The following SPOCK3 variants were observed in gnomAD, a reference collection of about 807,000 sequenced individuals.
The protein encoded by SPOCK3 is SPARC (osteonectin), cwcv and kazal like domains proteoglycan 3.
In SPOCK3, 30 loss-of-function variants were observed where a neutral mutation model predicts 56.6. That is an observed-to-expected ratio of 0.53 (90% CI 0.40 to 0.72). SPOCK3 has a LOEUF of 0.72. Ranked by LOEUF, SPOCK3 falls within the 30% of genes least tolerant of loss-of-function variation. The pLI is 0.00. For synonymous variants in SPOCK3, 196 were observed against 183.3 expected (o/e 1.07, Z -0.56); for missense variants, 527 against 530.0 (o/e 0.99, Z 0.06).
At chr4:167,191,681 T>G (rs889269533) in intron 2 of SPOCK3, among the ~76,000 whole-genome samples, 1 of 145,754 alleles carries the variant, frequency 6.9e-6, no homozygotes, top group Non-Finnish European at 1.5e-5. Context: ...AGTTTTTTTT[T>G]GTGAAGTCTT....
Position 166,733,527 on chromosome 4 carries a change from C to A in SPOCK3, c.*1394G>T, listed in dbSNP as rs1405822272. 1 of 151,784 alleles carries A rather than the reference C, an allele frequency of 6.6e-6. No homozygotes were observed. The highest frequency in any genetic ancestry group is 1.5e-5 in the Non-Finnish European group (1 of 67,762). 9.4% of individuals were successfully genotyped at this position (151,784 alleles called of 1,614,324 possible). A position where few individuals can be genotyped will look rare whatever the true frequency, so the allele number is the denominator to read the frequency against. On this transcript the variant is annotated 3_prime_UTR_variant, in exon 11 of 11. Transcript: ENST00000357545. The stretch of plus-strand genomic sequence containing the variant: ...GGAAATAATTAATCAATTTTGCTTT[C>A]AATGAATTGTATACTGGGAAACCAG...
At chr4:166,912,518 A>T (rs572470703) in intron 5 of SPOCK3, 102 bp downstream of exon 5, 1 of 1,133,852 alleles carries the variant, frequency 8.8e-7, no homozygotes, top group South Asian at 1.4e-5. Flanking sequence ...TATAAGTTAA[A>T]TGAATAATTT....
chr4:166,815,646 G>C (rs1244751072), intron 6 of SPOCK3, among the ~76,000 whole-genome samples: 2 of 151,892 alleles, frequency 1.3e-5, no homozygotes, highest in Non-Finnish European at 2.9e-5. Context: ...TGGGCTTGGT[G>C]GTGGGCACCT....
In SPOCK3 at chr4:167,077,269, TACACAC is replaced by T. The variant is rs553960996; in HGVS notation, c.190-14738_190-14733del. Among the ~76,000 whole-genome samples the T allele has an allele frequency of 3.3e-5, 5 of 149,614 alleles. No individual in the cohort carries two copies. The Admixed American group carries it at 3.4e-4, about 10-fold the overall frequency. On this transcript the variant is annotated intron_variant, in intron 2 of 10. Coordinates refer to ENST00000357545, the MANE Select transcript of SPOCK3 (RefSeq NM_001040159.2). ...GTTTTCAAAGGATAATCATTCTACATACACACACACACACACACATCAAAATTCTTT... is the reference window on the plus strand; with the variant it reads ...GTTTTCAAAGGATAATCATTCTACATACACACACACACATCAAAATTCTTT...
intron 2 of SPOCK3, among the ~76,000 whole-genome samples, chr4:167,160,846 GCTGAAA>G (rs1209432576): frequency 1.3e-5 from 2 of 152,100 alleles, no homozygotes; most frequent in Non-Finnish European, 2.9e-5. Flanking sequence ...TATGTAGAAA[GCTGAAA>G]CTGCATCCCT....
At chr4:167,197,871 T>C (rs1186474848) in intron 2 of SPOCK3, among the ~76,000 whole-genome samples, 1 of 152,152 alleles carries the variant, frequency 6.6e-6, no homozygotes, top group Non-Finnish European at 1.5e-5. Flanking sequence ...AGATCCAAAC[T>C]GTGTAAGGCA....
intron 6 of SPOCK3, among the ~76,000 whole-genome samples, chr4:166,885,288 A>C (rs1376722785): frequency 6.6e-6 from 1 of 150,830 alleles, no homozygotes; most frequent in Non-Finnish European, 1.5e-5. Context: ...ACCCACCCCA[A>C]CTTCAAACAA....
At chr4:167,234,282 GGGA>G (rs1369503780) in intron 1 of SPOCK3, 109 bp from the exon 2 acceptor site, 222 of 1,098,492 alleles carry the variant, frequency 2.0e-4, no homozygotes, top group Middle Eastern at 2.0e-3. Context: ...CGAGGGTAGA[GGGA>G]GGAGGAGACA....
At chr4:167,096,762 A>G (rs1759193296) in intron 2 of SPOCK3, among the ~76,000 whole-genome samples, 1 of 151,908 alleles carries the variant, frequency 6.6e-6, no homozygotes, top group South Asian at 2.1e-4. Context: ...CTAAATATGT[A>G]AATTACATCA....
chr4:167,149,586 A>C (rs1764240111), intron 2 of SPOCK3, among the ~76,000 whole-genome samples: 1 of 151,990 alleles, frequency 6.6e-6, no homozygotes, highest in Non-Finnish European at 1.5e-5. Context: ...TTATACACTA[A>C]TATTTTGAAA....
At chr4:166,825,810 A>G (rs920632880) in intron 6 of SPOCK3, among the ~76,000 whole-genome samples, 6 of 152,060 alleles carry the variant, frequency 3.9e-5, no homozygotes, top group Non-Finnish European at 8.8e-5. Flanking sequence ...CAAATATTGT[A>G]TGTTCTCACT....
chr4:166,927,638 T>C (rs907929209), intron 4 of SPOCK3, among the ~76,000 whole-genome samples: 1 of 152,078 alleles, frequency 6.6e-6, no homozygotes, highest in Non-Finnish European at 1.5e-5. Context: ...GAATTTAACA[T>C]AGAAGAAAAT....
At chr4:166,962,822 G>A (rs528351381) in intron 4 of SPOCK3, among the ~76,000 whole-genome samples, 2 of 152,150 alleles carry the variant, frequency 1.3e-5, no homozygotes, top group African/African-American at 4.8e-5. Context: ...ATAGCATGGT[G>A]ATGCACCAGA....
intron 4 of SPOCK3, among the ~76,000 whole-genome samples, chr4:166,997,220 C>A (rs1281207497): frequency 6.6e-6 from 1 of 151,982 alleles, no homozygotes; most frequent in African/African-American, 2.4e-5. Flanking sequence ...GTGCTTAATA[C>A]TTAGGCGATA....
chr4:166,765,158 T>A lies in SPOCK3; in HGVS notation c.710-10429A>T, dbSNP rs969183803. On this transcript the variant is annotated intron_variant, in intron 7 of 10. Transcript: ENST00000357545. The stretch of plus-strand genomic sequence containing the variant: ...GTAGGTTGCCTGTTCACTCTGAAGG[T>A]AGTTTCTTTTGCTGTGAAGCTCTTT... Among the ~76,000 whole-genome samples, 9 of 152,160 alleles carry A rather than the reference T, an allele frequency of 5.9e-5. No homozygotes were observed. The East Asian group carries it at 7.7e-4, about 13-fold the overall frequency.
Position 166,754,737 on chromosome 4 carries a change from CA to C in SPOCK3, c.710-9del, listed in dbSNP as rs369209026. The stretch of plus-strand genomic sequence containing the variant: ...AGATGCTGGTATCGAATCCTAAAGG[CA>C]AAAAAAAGAAAATGATTAGTTAAAT... On this transcript the variant is annotated splice_polypyrimidine_tract_variant and intron_variant, in intron 7 of 10. Coordinates refer to ENST00000357545, the MANE Select transcript of SPOCK3 (RefSeq NM_001040159.2). 2.9e-5 allele frequency: 46 copies of C among 1,596,028 alleles called. No homozygotes were observed. Among genetic ancestry groups the C allele is most frequent in the Middle Eastern group, 1.7e-4 (1 of 5,960 alleles).
chr4:166,863,762 C>T (rs374620467), intron 6 of SPOCK3, among the ~76,000 whole-genome samples: 2 of 152,210 alleles, frequency 1.3e-5, no homozygotes, highest in East Asian at 3.9e-4. Context: ...GCATCCAATA[C>T]AGGAGCACTC....
chr4:167,001,959 ATATTT>A (rs751726983), intron 3 of SPOCK3, among the ~76,000 whole-genome samples: 4,600 of 148,858 alleles, frequency 0.031, 248 homozygotes, highest in African/African-American at 0.11. Flanking sequence ...TTATTTTATT[ATATTT>A]TATTTTATTT....
At position 166,847,647 on chromosome 4, in the gene SPOCK3, TTATATATATATATATATA is replaced by T. The variant is rs147015731; in HGVS notation, c.589+41465_589+41482del. Among the ~76,000 whole-genome samples, 10 of 55,366 alleles carry T rather than the reference TTATATATATATATATATA, an allele frequency of 1.8e-4. 1 individual carries two copies. Among genetic ancestry groups the T allele is most frequent in the East Asian group, 9.5e-4 (2 of 2,102 alleles). The allele number at this position is 55,366 out of a possible 152,430, so 36.3% of individuals were successfully genotyped here. A position where few individuals can be genotyped will look rare whatever the true frequency, so the allele number is the denominator to read the frequency against. On this transcript the variant is annotated intron_variant, in intron 6 of 10. Transcript: ENST00000357545. Reference sequence around the variant, plus strand: ...CACAATTCAAAAGGAAAATCCTAGTTTATATATATATATATATATATATATATATATATAAGAATCATG... The same window carrying T: ...CACAATTCAAAAGGAAAATCCTAGTTTATATATATATATATAAGAATCATG...
Sources: gnomAD v4.1 joint callset for allele counts (sites outside exome capture counted in the v4.1 genomes callset) on GRCh38, gnomAD v4.1.1 for gene constraint, MANE v1.5 for transcripts, NCBI Gene and HGNC (gene_info 2026-07-23, HGNC 2026-07-21) for gene names.